SEL1L: variants seen among roughly 807,000 people sequenced by gnomAD.
The protein encoded by SEL1L is protein sel-1 homolog 1.
In SEL1L, 52 loss-of-function variants were observed where a neutral mutation model predicts 109.8. The ratio of observed to expected loss-of-function variants is 0.47; its 90% CI spans 0.38 to 0.60. SEL1L has a LOEUF of 0.60. SEL1L is among the 20% of genes least tolerant of loss of function. The pLI is 0.00. For synonymous variants in SEL1L, 373 were observed against 339.6 expected, an observed-to-expected ratio of 1.10 and a Z score of -1.08; for missense variants, 749 against 962.2, an observed-to-expected ratio of 0.78 and a Z score of 2.93.
At position 81,487,767 on chromosome 14, in the gene SEL1L, CA is replaced by C. The variant is rs1424038803; in HGVS notation, c.1483+87del. The C allele has an allele frequency of 7.0e-6, 11 of 1,565,044 alleles. No individual in the cohort carries two copies. In the Admixed American group the frequency reaches 1.0e-4, roughly 14 times the overall value. On this transcript the variant is annotated intron_variant, in intron 15 of 20. Transcript: ENST00000336735. Reference sequence around the variant, plus strand: ...CATTTAACCAGCCAGAATTTGATAGCACCCATTTCCACATCATAATGCCATC... The same window carrying C: ...CATTTAACCAGCCAGAATTTGATAGCCCCATTTCCACATCATAATGCCATC...
At chr14:81,500,912 A>G (rs1250641243) in intron 6 of SEL1L, among the ~76,000 whole-genome samples, 1 of 152,212 alleles carries the variant, frequency 6.6e-6, no homozygotes, top group Non-Finnish European at 1.5e-5. Context: ...TTTGCCTTCT[A>G]TGGATCATCC....
chr14:81,498,353 G>T, intron 9 of SEL1L, 60 bp downstream of exon 9: 1 of 1,354,016 alleles, frequency 7.4e-7, no homozygotes, highest in Non-Finnish European at 1.0e-6. Flanking sequence ...AAATAGAAAT[G>T]TTTAAAGTTA....
chr14:81,487,816 G>T (rs1903566851), intron 15 of SEL1L, 39 bp downstream of exon 15: 3 of 1,608,052 alleles, frequency 1.9e-6, no homozygotes, highest in Non-Finnish European at 2.5e-6. Context: ...GCTTAATTTA[G>T]ATCTTGGTGT....
At chr14:81,499,415 C>A (rs1010307629) in intron 8 of SEL1L, 44 bp downstream of exon 8, 1 of 1,589,148 alleles carries the variant, frequency 6.3e-7, no homozygotes, top group Non-Finnish European at 8.5e-7. Flanking sequence ...ACCACAAATT[C>A]TTCTGATGTT....
intron 3 of SEL1L, among the ~76,000 whole-genome samples, chr14:81,513,940 G>A (rs1301979376): frequency 6.6e-6 from 1 of 152,106 alleles, no homozygotes; most frequent in Admixed American, 6.5e-5. Flanking sequence ...AGTGAGACTC[G>A]CCCATCTATC....
At chr14:81,494,196 T>C (rs1595511263) in intron 11 of SEL1L, among the ~76,000 whole-genome samples, 1 of 152,204 alleles carries the variant, frequency 6.6e-6, no homozygotes, top group Admixed American at 6.5e-5. Flanking sequence ...TTTAAGCAAA[T>C]GGCAATACCA....
chr14:81,523,811 C>T (rs1885013503), intron 3 of SEL1L, among the ~76,000 whole-genome samples: 1 of 151,930 alleles, frequency 6.6e-6, no homozygotes, highest in Non-Finnish European at 1.5e-5. Flanking sequence ...TGATTGCTTA[C>T]TTGGTATGTG....
At chr14:81,489,824 G>A (rs4903983) in intron 13 of SEL1L, among the ~76,000 whole-genome samples, 83,755 of 151,372 alleles carry the variant, frequency 0.55, 26,700 homozygotes, top group East Asian at 0.74. Flanking sequence ...GGACTAGAAA[G>A]AAAAAAATCT....
chr14:81,525,244 T>C (rs1885066374), intron 3 of SEL1L, among the ~76,000 whole-genome samples: 1 of 151,906 alleles, frequency 6.6e-6, no homozygotes, highest in Non-Finnish European at 1.5e-5. Context: ...CCTCTACTTT[T>C]ATGCATGTTT....
intron 1 of SEL1L, 30 bp downstream of exon 1, chr14:81,533,645 G>C: frequency 6.2e-7 from 1 of 1,605,506 alleles, no homozygotes; most frequent in Non-Finnish European, 8.5e-7. Flanking sequence ...GGAGGCTCTG[G>C]GCCTTCAGCC....
intron 1 of SEL1L, among the ~76,000 whole-genome samples, chr14:81,529,974 C>T (rs542775566): frequency 3.9e-5 from 6 of 152,328 alleles, no homozygotes; most frequent in South Asian, 2.1e-4. Context: ...TTAAGTTATG[C>T]GCTTCTCGCT....
intron 5 of SEL1L, 70 bp from the exon 6 acceptor site, chr14:81,502,953 C>A: frequency 8.1e-7 from 1 of 1,229,452 alleles, no homozygotes; most frequent in Non-Finnish European, 1.1e-6. Context: ...TTTTGATCTA[C>A]TAAAACGCAA....
rs1396891206 is a variant in SEL1L, at chr14:81,473,059, A to C, written c.*3913T>G. 3 of 152,618 alleles carry C rather than the reference A, an allele frequency of 2.0e-5. No homozygotes were observed. Among genetic ancestry groups the C allele is most frequent in the Non-Finnish European group, 4.4e-5 (3 of 68,208 alleles). The allele number at this position is 152,618 out of a possible 1,614,324, so 9.5% of individuals were successfully genotyped here. On this transcript the variant is annotated 3_prime_UTR_variant, in exon 21 of 21. Transcript: ENST00000336735. ...TTATACTGCATTTCATTAAATACAA[A>C]ATACATTTACAAAAAGAGTCTACCA...
At chr14:81,503,632 C>A (rs1027382332) in intron 5 of SEL1L, among the ~76,000 whole-genome samples, 3 of 152,032 alleles carry the variant, frequency 2.0e-5, no homozygotes, top group Non-Finnish European at 4.4e-5. Flanking sequence ...ATTATACTAA[C>A]AGTAATTTTA....
At position 81,479,588 on chromosome 14, in the gene SEL1L, T is replaced by C. The variant is rs766813279; in HGVS notation, c.2175+24A>G. 36 of 1,580,076 alleles carry C rather than the reference T, an allele frequency of 2.3e-5. 1 individual carries two copies. Among genetic ancestry groups the C allele is most frequent in the Non-Finnish European group, 1.7e-6 (2 of 1,165,538 alleles). ...AGACCTTCCATCATTTATATTTTAA[T>C]GAAAAGAGGTACGGACCACTTACGT... is the stretch of plus-strand genomic sequence containing the variant. On this transcript the variant is annotated intron_variant, in intron 20 of 20. Coordinates refer to ENST00000336735, the MANE Select transcript of SEL1L (RefSeq NM_005065.6).
At chr14:81,491,201 A>G (rs1448138014) in intron 12 of SEL1L, among the ~76,000 whole-genome samples, 1 of 152,164 alleles carries the variant, frequency 6.6e-6, no homozygotes, top group Non-Finnish European at 1.5e-5. Context: ...CTCTACCACT[A>G]CTTTCCCCAG....
At position 81,533,851 on chromosome 14, in the gene SEL1L, C is replaced by T; in HGVS notation, c.-107G>A. The T allele has an allele frequency of 8.6e-7, 1 of 1,169,108 alleles. No homozygotes were observed. Among genetic ancestry groups the T allele is most frequent in the Non-Finnish European group, 1.2e-6 (1 of 809,710 alleles). The allele number at this position is 1,169,108 out of a possible 1,614,324, so 72.4% of individuals were successfully genotyped here. On this transcript the variant is annotated 5_prime_UTR_variant, in exon 1 of 21. Transcript: ENST00000336735. The stretch of plus-strand genomic sequence containing the variant: ...GCCGCTGCTCTTCCTGCTCTAGTCT[C>T]CTTCCTCCGCCCCTTCCCAGGCTTC...
At position 81,485,741 on chromosome 14, in the gene SEL1L, C is replaced by T. The variant is rs1170152557; in HGVS notation, c.1804G>A (p.Ala602Thr). 1 of 1,613,616 alleles carries T rather than the reference C, an allele frequency of 6.2e-7. No individual in the cohort carries two copies. Among genetic ancestry groups the T allele is most frequent in the African/African-American group, 1.3e-5 (1 of 74,902 alleles). Reference protein sequence around the residue: ...NAAFILDQREASIVGENETYP... With the variant: ...NAAFILDQRETSIVGENETYP... ...GTTTCATTCTCACCTACAATGCTTG[C>T]TTCTCCTACAGGAAAAGAAATGAAA... Residue 602 changes from alanine (A) to threonine (T), a missense_variant, in exon 18 of 21, where the codon GCA becomes ACA. Ala to Thr is a moderately conservative substitution (Grantham distance 58). This residue lies in a region of SEL1L where 383 missense variants were observed against 562.5 expected (regional missense o/e 0.68). Coordinates refer to ENST00000336735, the MANE Select transcript of SEL1L (RefSeq NM_005065.6).
intron 20 of SEL1L, among the ~76,000 whole-genome samples, 155 bp from the exon 21 acceptor site, chr14:81,477,336 T>TGTGTGTGTGTGTGTG (rs1555412243): frequency 2.0e-5 from 3 of 151,390 alleles, no homozygotes; most frequent in Non-Finnish European, 4.4e-5. Flanking sequence ...TGTGTGTGTG[T>TGTGTGTGTGTGTGTG]TTAAAGCGGT....
Sources: gnomAD v4.1 joint callset for allele counts (sites outside exome capture counted in the v4.1 genomes callset) on GRCh38, gnomAD v4.1.1 for gene constraint, gnomAD v4.1.1 regional missense constraint, MANE v1.5 for transcripts, NCBI Gene and HGNC (gene_info 2026-07-23, HGNC 2026-07-21) for gene names.